PLSCR2: variants seen among roughly 807,000 people sequenced by gnomAD.
The protein encoded by PLSCR2 is phospholipid scramblase 2.
PLSCR2 carries 18 observed loss-of-function variants against 25.3 expected under a neutral mutation model. The observed-to-expected ratio is 0.71, with a 90% CI of 0.49 to 1.06. The LOEUF (loss-of-function observed/expected upper bound fraction) is 1.06. PLSCR2 is among the 50% of genes least tolerant of loss of function. PLSCR2 has a pLI of 0.00. For missense variants in PLSCR2, 243 were observed against 269.5 expected (o/e 0.90, Z 0.69); for synonymous variants, 88 against 87.3 (o/e 1.01, Z -0.04).
chr3:146,394,626 T>G (rs1269942674), intron 3 of PLSCR2, among the ~76,000 whole-genome samples: 1 of 152,246 alleles, frequency 6.6e-6, no homozygotes, highest in Non-Finnish European at 1.5e-5. Context: ...TAATGTCATT[T>G]TGTTAAATGT....
chr3:146,445,432 C>T (rs2040491569), intron 6 of PLSCR2, among the ~76,000 whole-genome samples: 1 of 152,076 alleles, frequency 6.6e-6, no homozygotes, highest in Admixed American at 6.5e-5. Flanking sequence ...GTTGGATATA[C>T]TATTCTATGA....
intron 1 of PLSCR2, among the ~76,000 whole-genome samples, chr3:146,470,503 C>T (rs2042076306): frequency 6.6e-6 from 1 of 152,026 alleles, no homozygotes; most frequent in South Asian, 2.1e-4. Context: ...AGTCGAGATC[C>T]AGCCACTACA....
intron 2 of PLSCR2, among the ~76,000 whole-genome samples, chr3:146,401,869 CTTA>C (rs1443529641): frequency 6.6e-6 from 1 of 151,428 alleles, no homozygotes; most frequent in Non-Finnish European, 1.5e-5. Context: ...TCATCTTTTC[CTTA>C]TTATAGAATT....
chr3:146,483,106 T>A (rs941767722), intron 1 of PLSCR2, among the ~76,000 whole-genome samples: 1 of 151,634 alleles, frequency 6.6e-6, no homozygotes, highest in African/African-American at 2.4e-5. Flanking sequence ...GATTGTATAT[T>A]TAGAAAACCC....
chr3:146,449,703 TC>T (rs1490156325), intron 5 of PLSCR2, among the ~76,000 whole-genome samples: 1 of 152,172 alleles, frequency 6.6e-6, no homozygotes, highest in African/African-American at 2.4e-5. Context: ...TTGAAGTATT[TC>T]TTTGATATAA....
chr3:146,448,358 A>G (rs2040687282), intron 6 of PLSCR2, among the ~76,000 whole-genome samples: 1 of 152,106 alleles, frequency 6.6e-6, no homozygotes, highest in Non-Finnish European at 1.5e-5. Flanking sequence ...TTATCTGTTA[A>G]GGTTTTCTGA....
At position 146,484,743 on chromosome 3, in the gene PLSCR2, G is replaced by C. The variant is rs150860450; in HGVS notation, c.-293+11152C>G. On this transcript the variant is annotated intron_variant, in intron 1 of 8. Coordinates refer to the PLSCR2 transcript ENST00000336685. ...TTCCTTTCAGAGAAGCAAATGCTGA[G>C]GGCTATCATTTCCACCAGTCCTGCC... 2.5e-3 allele frequency among the ~76,000 whole-genome samples: 374 copies of C among 152,152 alleles called. 3 individuals carry two copies. Among genetic ancestry groups the C allele is most frequent in the Non-Finnish European group, 3.9e-3 (268 of 68,006 alleles).
intron 1 of PLSCR2, among the ~76,000 whole-genome samples, chr3:146,482,874 ACC>A (rs2043178536): frequency 1.3e-5 from 2 of 152,172 alleles, no homozygotes; most frequent in Admixed American, 1.3e-4. Flanking sequence ...GCATATACAC[ACC>A]GTGGAATACT....
intron 1 of PLSCR2, among the ~76,000 whole-genome samples, chr3:146,485,590 T>C (rs1180481757): frequency 6.6e-6 from 1 of 152,024 alleles, no homozygotes; most frequent in African/African-American, 2.4e-5. Flanking sequence ...ACTAAAATCA[T>C]AACAAACAGT....
At chr3:146,437,360 C>T (rs1371946504), downstream of PLSCR2, among the ~76,000 whole-genome samples, 4 of 152,126 alleles carry the variant, frequency 2.6e-5, no homozygotes, top group Non-Finnish European at 5.9e-5. Context: ...GGTACCAGCT[C>T]CTCTTTGTAC....
chr3:146,392,968 A>G (rs2038135403), intron 3 of PLSCR2, among the ~76,000 whole-genome samples: 1 of 149,590 alleles, frequency 6.7e-6, no homozygotes, highest in Non-Finnish European at 1.5e-5. Context: ...TACATATTTT[A>G]AAGTATTTTA....
intron 1 of PLSCR2, among the ~76,000 whole-genome samples, chr3:146,467,890 C>T (rs1014120287): frequency 1.3e-5 from 2 of 151,902 alleles, no homozygotes; most frequent in South Asian, 2.1e-4. Flanking sequence ...TGGGCTTATT[C>T]GGGAAATGAA....
chr3:146,404,821 A>AAAGGG lies in PLSCR2; in HGVS notation c.101-8901_101-8900insCCCTT, dbSNP rs71158238. Among the ~76,000 whole-genome samples, 554 of 124,644 alleles carry AAAGGG rather than the reference A, an allele frequency of 4.4e-3. 11 individuals are homozygous for AAAGGG. Among genetic ancestry groups the AAAGGG allele is most frequent in the East Asian group, 0.012 (46 of 3,800 alleles). The allele number at this position is 124,644 out of a possible 152,430, so 81.8% of individuals were successfully genotyped here. ...AGGAAGAAATAGGCAAAAAAAAAAA[A>AAAGGG]GGGGGGGGGTGGTGGTTAACTGGTC... is the stretch of plus-strand genomic sequence containing the variant. On this transcript the variant is annotated intron_variant and NMD_transcript_variant, in intron 2 of 3. Transcript: ENST00000463633.
At chr3:146,481,485 A>T (rs1176148434) in intron 1 of PLSCR2, among the ~76,000 whole-genome samples, 1 of 152,188 alleles carries the variant, frequency 6.6e-6, no homozygotes, top group African/African-American at 2.4e-5. Context: ...CACAATTGCT[A>T]CAAACAGAAT....
chr3:146,455,779 T>C (rs1307959755), intron 3 of PLSCR2, among the ~76,000 whole-genome samples: 1 of 152,212 alleles, frequency 6.6e-6, no homozygotes, highest in Non-Finnish European at 1.5e-5. Flanking sequence ...ACAGTGGTGC[T>C]AGGTGTATGG....
intron 1 of PLSCR2, among the ~76,000 whole-genome samples, chr3:146,471,112 G>A (rs1183243896): frequency 6.6e-6 from 1 of 151,810 alleles, no homozygotes; most frequent in African/African-American, 2.4e-5. Context: ...TCACCTAACA[G>A]TGCATCTTGG....
At chr3:146,398,774 T>C (rs12054452) in intron 2 of PLSCR2, 37,916 of 151,996 alleles carry the variant, frequency 0.25, 5,131 homozygotes, top group South Asian at 0.44. Context: ...GGTGAAAGTA[T>C]CGATAAACAT....
chr3:146,409,432 G>T (rs963544180), intron 2 of PLSCR2, among the ~76,000 whole-genome samples: 1 of 152,180 alleles, frequency 6.6e-6, no homozygotes, highest in Non-Finnish European at 1.5e-5. Flanking sequence ...GGCTCAGGAG[G>T]ACTTTGGAGG....
At chr3:146,407,223 C>T (rs6764342) in intron 2 of PLSCR2, among the ~76,000 whole-genome samples, 39,724 of 152,032 alleles carry the variant, frequency 0.26, 5,424 homozygotes, top group South Asian at 0.44. Context: ...ATGTTTAACA[C>T]CTTACTGACT....
Sources: gnomAD v4.1 joint callset for allele counts (sites outside exome capture counted in the v4.1 genomes callset) on GRCh38, gnomAD v4.1.1 for gene constraint, MANE v1.5 for transcripts, NCBI Gene and HGNC (gene_info 2026-07-23, HGNC 2026-07-21) for gene names.